Variants in MAML3 observed in about 807,000 individuals in gnomAD.
MAML3 encodes mastermind like transcriptional coactivator 3.
In MAML3, 27 loss-of-function variants were observed where a neutral mutation model predicts 101.9. The ratio of observed to expected loss-of-function variants is 0.27; its 90% confidence interval spans 0.20 to 0.37. MAML3 has a LOEUF of 0.37. Among genes scored for constraint, MAML3 ranks in the 10% least tolerant of loss-of-function variants. MAML3 has a pLI of 1.00. For missense variants in MAML3, 1,316 were observed against 1,444.9 expected (o/e 0.91, Z 1.45); for synonymous variants, 501 against 555.9 (o/e 0.90, Z 1.39).
rs77951606 is a variant in MAML3 at position 139,889,803 on chromosome 4, G to C, written c.1633C>G (p.Gln545Glu). The C allele has an allele frequency of 2.5e-6, 4 of 1,613,880 alleles. No individual in the cohort carries two copies. Among genetic ancestry groups the C allele is most frequent in the Non-Finnish European group, 3.4e-6 (4 of 1,179,904 alleles). Reference protein sequence around the residue: ...EKPNSPMMYPQAFNNQNPIVP... With the variant: ...EKPNSPMMYPEAFNNQNPIVP... ...ATAGGGTTTTGGTTGTTAAAGGCTT[G>C]GGGGTACATCATTGGGCTATTTGGT... The change falls in exon 2 of 5, where the codon CAA (glutamine) becomes GAA (glutamate). Residue 545 changes from glutamine (Q) to glutamate (E), a missense_variant. Transcript: ENST00000509479.
rs1232201558 is a variant in MAML3, at chr4:140,153,021, G to GCTGCTCCAC, written c.298_306dup (p.Val100_Gln102dup). 2 of 1,600,836 alleles carry GCTGCTCCAC rather than the reference G, an allele frequency of 1.2e-6. No individual in the cohort carries two copies. Among genetic ancestry groups the GCTGCTCCAC allele is most frequent in the African/African-American group, 2.7e-5 (2 of 74,758 alleles). On this transcript the variant is annotated inframe_insertion, in exon 1 of 5. Transcript: ENST00000509479. ...ACGGTGTCCCGGCGCTCCAGCTCCA[G>GCTGCTCCAC]CTGCTCCACCTGAGCCTGCTGGTAC... is the stretch of plus-strand genomic sequence containing the variant.
intron 1 of MAML3, among the ~76,000 whole-genome samples, chr4:140,125,922 G>T (rs1728675492): frequency 6.6e-6 from 1 of 151,992 alleles, no homozygotes; most frequent in South Asian, 2.1e-4. Flanking sequence ...GGGATTACAG[G>T]CACGTGCCAC....
rs1397821331 is a variant in MAML3, at chr4:140,153,484, G to T, written c.-157C>A. 3.7e-6 allele frequency: 3 copies of T among 812,700 alleles called. No individual in the cohort carries two copies. The highest frequency in any genetic ancestry group is 5.3e-6 in the Non-Finnish European group (3 of 562,772). 50.3% of individuals were successfully genotyped at this position (812,700 alleles called of 1,614,324 possible). A position where few individuals can be genotyped will look rare whatever the true frequency, so the allele number is the denominator to read the frequency against. Reference sequence around the variant, plus strand: ...CGATCCCGACGGGGCGAAAAAAACGGGGGGGGAGATTTTGGGGTGGTTTTT... The same window carrying T: ...CGATCCCGACGGGGCGAAAAAAACGTGGGGGGAGATTTTGGGGTGGTTTTT... On this transcript the variant is annotated 5_prime_UTR_variant, in exon 1 of 5. Coordinates refer to ENST00000509479, the MANE Select transcript of MAML3 (RefSeq NM_018717.5).
At chr4:140,041,619 TC>T (rs1314167232) in intron 1 of MAML3, among the ~76,000 whole-genome samples, 1 of 151,402 alleles carries the variant, frequency 6.6e-6, no homozygotes, top group African/African-American at 2.4e-5. Flanking sequence ...AGACACTGCC[TC>T]AAAAAGAAAA....
Position 140,153,625 on chromosome 4 carries a change from T to C in MAML3, c.-298A>G. On this transcript the variant is annotated 5_prime_UTR_variant, in exon 1 of 5. Transcript: ENST00000509479. Reference sequence around the variant, plus strand: ...CACAACAAACTGAGCCAGCAGCAAATCGGGTTGCAACTCAAGGGGAGATCC... The same window carrying C: ...CACAACAAACTGAGCCAGCAGCAAACCGGGTTGCAACTCAAGGGGAGATCC... 2.7e-6 allele frequency: 1 copy of C among 368,622 alleles called. No homozygotes were observed. Among genetic ancestry groups the C allele is most frequent in the Non-Finnish European group, 4.8e-6 (1 of 207,028 alleles). The allele number at this position is 368,622 out of a possible 1,614,324, so 22.8% of individuals were successfully genotyped here.
chr4:139,824,132 C>A (rs563179606), intron 2 of MAML3, among the ~76,000 whole-genome samples: 2 of 152,132 alleles, frequency 1.3e-5, no homozygotes, highest in Admixed American at 1.3e-4. Flanking sequence ...CATCGACACC[C>A]CACCCCCAGC....
intron 1 of MAML3, among the ~76,000 whole-genome samples, chr4:139,965,084 A>AG (rs749436165): frequency 3.3e-5 from 5 of 152,238 alleles, no homozygotes; most frequent in Non-Finnish European, 5.9e-5. Flanking sequence ...AAAATCTAGC[A>AG]GGGGTAAAAG....
At chr4:140,151,457 G>A (rs1016636937) in intron 1 of MAML3, among the ~76,000 whole-genome samples, 5 of 152,148 alleles carry the variant, frequency 3.3e-5, no homozygotes, top group African/African-American at 7.2e-5. Flanking sequence ...ACCGAGCGCC[G>A]GCCCGAGCCC....
intron 2 of MAML3, among the ~76,000 whole-genome samples, chr4:139,887,164 A>G (rs1327339297): frequency 6.6e-6 from 1 of 152,250 alleles, no homozygotes; most frequent in Non-Finnish European, 1.5e-5. Context: ...TATTCTGAGA[A>G]CTATGTAAAT....
chr4:139,890,371 C>T lies in MAML3; in HGVS notation c.1065G>A (p.Ala355=), dbSNP rs575007491. Residue 355 remains alanine, a synonymous_variant, in exon 2 of 5, where the codon GCG becomes GCA. Transcript: ENST00000509479. The surrounding 1 kb of genome is among the most constrained non-coding windows in gnomAD (Gnocchi z 4.1). ...ATETPLSQES[A]SVKSDPSHSP... is the part of the protein sequence containing the mutation. Reference sequence around the variant, plus strand: ...AGTGAGAGGGGTCGCTCTTCACGCTCGCACTCTCCTGGGAGAGAGGGGTCT... The same window carrying T: ...AGTGAGAGGGGTCGCTCTTCACGCTTGCACTCTCCTGGGAGAGAGGGGTCT... 3.2e-5 allele frequency: 51 copies of T among 1,603,086 alleles called. No homozygotes were observed. Among genetic ancestry groups the T allele is most frequent in the African/African-American group, 5.4e-5 (4 of 74,716 alleles).
chr4:139,956,177 A>G (rs190683412), intron 1 of MAML3, among the ~76,000 whole-genome samples: 1 of 152,326 alleles, frequency 6.6e-6, no homozygotes, highest in East Asian at 1.9e-4. Flanking sequence ...AATGGGAACA[A>G]TAATTTCTGG....
intron 1 of MAML3, among the ~76,000 whole-genome samples, chr4:139,997,977 C>T (rs1429524394): frequency 6.6e-6 from 1 of 152,066 alleles, no homozygotes; most frequent in Non-Finnish European, 1.5e-5. Flanking sequence ...TTTGAACAAT[C>T]CGACTATGAT....
intron 1 of MAML3, among the ~76,000 whole-genome samples, chr4:140,059,829 A>G (rs1727414188): frequency 6.6e-6 from 1 of 152,230 alleles, no homozygotes; most frequent in Non-Finnish European, 1.5e-5. Context: ...ATAGCATTAT[A>G]ATGGCAAAAT....
At chr4:140,077,162 A>G (rs1261471277) in intron 1 of MAML3, among the ~76,000 whole-genome samples, 1 of 152,116 alleles carries the variant, frequency 6.6e-6, no homozygotes, top group African/African-American at 2.4e-5. Flanking sequence ...GATTACAAGC[A>G]TGAGCCACCG....
chr4:139,753,342 A>ATCTG (rs1406981692), intron 2 of MAML3, among the ~76,000 whole-genome samples: 5 of 14,336 alleles, frequency 3.5e-4, no homozygotes, highest in Non-Finnish European at 5.0e-4. Flanking sequence ...TTTCTTTTTA[A>ATCTG]TCTATCTATC....
At chr4:139,880,188 AAAAC>A (rs1280750267) in intron 2 of MAML3, among the ~76,000 whole-genome samples, 1 of 146,572 alleles carries the variant, frequency 6.8e-6, no homozygotes, top group African/African-American at 2.5e-5. Flanking sequence ...TGAAAAAAAA[AAAAC>A]AAACAAAAAA....
chr4:140,102,221 T>C (rs1355743042), intron 1 of MAML3, among the ~76,000 whole-genome samples: 1 of 152,222 alleles, frequency 6.6e-6, no homozygotes, highest in Non-Finnish European at 1.5e-5. Flanking sequence ...TTTATTCTCA[T>C]ATAACTCTCT....
At chr4:139,895,970 G>T (rs4863702) in intron 1 of MAML3, among the ~76,000 whole-genome samples, 2 of 152,094 alleles carry the variant, frequency 1.3e-5, no homozygotes, top group Non-Finnish European at 2.9e-5. Flanking sequence ...AGACATTATC[G>T]AAGATGCTGT....
intron 2 of MAML3, among the ~76,000 whole-genome samples, chr4:139,803,132 C>T (rs1730638638): frequency 6.6e-6 from 1 of 152,110 alleles, no homozygotes; most frequent in Non-Finnish European, 1.5e-5. Flanking sequence ...TGACTGGGCA[C>T]AGTGGCTCAC....
Sources: gnomAD v4.1 joint callset for allele counts (sites outside exome capture counted in the v4.1 genomes callset) on GRCh38, gnomAD v4.1.1 for gene constraint, Gnocchi (gnomAD v3.1) non-coding constraint, MANE v1.5 for transcripts, NCBI Gene and HGNC (gene_info 2026-07-23, HGNC 2026-07-21) for gene names.